ZNF385B: variants seen among roughly 807,000 people sequenced by gnomAD.
ZNF385B encodes the protein zinc finger protein 385B.
ZNF385B carries 23 observed loss-of-function variants against 39.2 expected under a neutral mutation model. The ratio of observed to expected loss-of-function variants is 0.59; its 90% confidence interval spans 0.42 to 0.83. The LOEUF (loss-of-function observed/expected upper bound fraction) is 0.83. ZNF385B is among the 40% of genes least tolerant of loss of function. ZNF385B has a pLI of 0.00. For missense variants in ZNF385B, 552 were observed against 598.9 expected (o/e 0.92, Z 0.82); for synonymous variants, 205 against 222.6 (o/e 0.92, Z 0.70).
chr2:179,678,331 G>A (rs1170698967), intron 3 of ZNF385B, among the ~76,000 whole-genome samples: 3 of 152,178 alleles, frequency 2.0e-5, no homozygotes, highest in African/African-American at 7.2e-5. Context: ...TTAGTTAGGT[G>A]CATGGCTACC....
At chr2:179,445,099 T>A in intron 8 of ZNF385B, 122 bp from the exon 9 acceptor site, 1 of 796,890 alleles carries the variant, frequency 1.3e-6, no homozygotes, top group Non-Finnish European at 2.1e-6. Flanking sequence ...ATGGTGTGGG[T>A]AAAATCATTA....
intron 3 of ZNF385B, among the ~76,000 whole-genome samples, chr2:179,751,849 T>C (rs1167697322): frequency 6.6e-6 from 1 of 152,006 alleles, no homozygotes; most frequent in Non-Finnish European, 1.5e-5. Context: ...CCTTATCTTC[T>C]CCCCCATCCA....
chr2:179,847,799 G>C (rs541623634), intron 1 of ZNF385B, among the ~76,000 whole-genome samples: 170 of 152,286 alleles, frequency 1.1e-3, no homozygotes, highest in Non-Finnish European at 2.1e-3. Flanking sequence ...CCCCTCAGAG[G>C]AGACTCAGAA....
In ZNF385B at chr2:179,469,530, A is replaced by G. The variant is rs145904653; in HGVS notation, c.715+13742T>C. On this transcript the variant is annotated intron_variant, in intron 6 of 9. Coordinates refer to ENST00000410066, the MANE Select transcript of ZNF385B (RefSeq NM_152520.6). ...TGGCAAACCACGAAGGGACTACACTATTAAGAGATCCCTGACCCAAAGGAA... is the reference window on the plus strand; with the variant it reads ...TGGCAAACCACGAAGGGACTACACTGTTAAGAGATCCCTGACCCAAAGGAA... 2.5e-3 allele frequency among the ~76,000 whole-genome samples: 375 copies of G among 152,266 alleles called. 1 individual carries two copies. The highest frequency in any genetic ancestry group is 3.9e-3 in the Non-Finnish European group (264 of 68,016).
chr2:179,567,925 C>T lies in ZNF385B; in HGVS notation c.299-22956G>A, dbSNP rs149407650. Among the ~76,000 whole-genome samples, 29 of 152,286 alleles carry T rather than the reference C, an allele frequency of 1.9e-4. No individual in the cohort carries two copies. In the East Asian group the frequency reaches 2.7e-3, roughly 14 times the overall value. On this transcript the variant is annotated intron_variant, in intron 3 of 9. Coordinates refer to ENST00000410066, the MANE Select transcript of ZNF385B (RefSeq NM_152520.6). ...TAAGGGATCTTTCCGGGACCACTTACGGTCTCCGACATTTGGTTCTCACAC... is the reference window on the plus strand; with the variant it reads ...TAAGGGATCTTTCCGGGACCACTTATGGTCTCCGACATTTGGTTCTCACAC...
chr2:179,474,381 A>G (rs1297965901), intron 6 of ZNF385B, among the ~76,000 whole-genome samples: 1 of 152,152 alleles, frequency 6.6e-6, no homozygotes, highest in East Asian at 1.9e-4. Context: ...AATGGCAAAA[A>G]TTACTATCTT....
chr2:179,489,847 A>G (rs545529421), intron 5 of ZNF385B, among the ~76,000 whole-genome samples: 31 of 152,302 alleles, frequency 2.0e-4, no homozygotes, highest in African/African-American at 7.2e-4. Flanking sequence ...ATTCTCATCT[A>G]TTGGGATTGT....
intron 3 of ZNF385B, chr2:179,660,173 G>A (rs956068004): frequency 2.0e-5 from 3 of 152,386 alleles, no homozygotes; most frequent in Admixed American, 2.0e-4. Flanking sequence ...ACCTGCCACC[G>A]GTTTTATTGC....
intron 1 of ZNF385B, among the ~76,000 whole-genome samples, chr2:179,788,562 G>A (rs754262849): frequency 2.6e-5 from 4 of 152,086 alleles, no homozygotes; most frequent in Non-Finnish European, 5.9e-5. Flanking sequence ...TGCAAACTTT[G>A]CTGAAGAAAT....
chr2:179,487,011 T>C (rs2054645945), intron 5 of ZNF385B, among the ~76,000 whole-genome samples: 1 of 152,264 alleles, frequency 6.6e-6, no homozygotes, highest in African/African-American at 2.4e-5. Flanking sequence ...AAACTCATCT[T>C]TCACAGTACA....
chr2:179,628,034 G>GT (rs1690833574), intron 3 of ZNF385B, among the ~76,000 whole-genome samples: 2 of 151,786 alleles, frequency 1.3e-5, no homozygotes, highest in South Asian at 4.1e-4. Context: ...TTTCAAACAT[G>GT]TTTTTTTCCT....
intron 5 of ZNF385B, among the ~76,000 whole-genome samples, chr2:179,514,787 T>A (rs1472886303): frequency 6.6e-6 from 1 of 151,680 alleles, no homozygotes; most frequent in Admixed American, 6.6e-5. Flanking sequence ...GGTTTTTTTT[T>A]TTTTTTTTTA....
Position 179,442,145 on chromosome 2 carries a change from A to G in ZNF385B, c.*1105T>C, listed in dbSNP as rs1392066960. The G allele has an allele frequency of 1.3e-5, 2 of 152,652 alleles. No homozygotes were observed. The highest frequency in any genetic ancestry group is 3.8e-4 in the East Asian group (2 of 5,202). 9.5% of individuals were successfully genotyped at this position (152,652 alleles called of 1,614,324 possible). On this transcript the variant is annotated 3_prime_UTR_variant, in exon 10 of 10. Coordinates refer to ENST00000410066, the MANE Select transcript of ZNF385B (RefSeq NM_152520.6). ...TCACAAACATTCCAGTCTTGTTGATATCGGCTTAGAAAGGGGGGCATGGGA... is the reference window on the plus strand; with the variant it reads ...TCACAAACATTCCAGTCTTGTTGATGTCGGCTTAGAAAGGGGGGCATGGGA...
intron 3 of ZNF385B, among the ~76,000 whole-genome samples, chr2:179,663,137 A>C (rs1377986070): frequency 6.6e-6 from 1 of 152,224 alleles, no homozygotes; most frequent in East Asian, 1.9e-4. Flanking sequence ...CAAACCAACT[A>C]AATATGATGG....
rs1273955032 is a variant in ZNF385B, at chr2:179,861,274, G to C, written c.-328C>G. ...GGCGGTGGCGGTAGCAGCGGCGGCG[G>C]TGGAGGTGGCGCGGGCGACAGCTCG... On this transcript the variant is annotated 5_prime_UTR_variant, in exon 1 of 10. Coordinates refer to ENST00000410066, the MANE Select transcript of ZNF385B (RefSeq NM_152520.6). 1.1e-4 allele frequency: 18 copies of C among 159,718 alleles called. No individual in the cohort carries two copies. Among genetic ancestry groups the C allele is most frequent in the Non-Finnish European group, 1.9e-4 (14 of 74,008 alleles). 9.9% of individuals were successfully genotyped at this position (159,718 alleles called of 1,614,324 possible).
intron 6 of ZNF385B, among the ~76,000 whole-genome samples, chr2:179,459,065 T>C (rs2105460443): frequency 6.6e-6 from 1 of 152,326 alleles, no homozygotes; most frequent in South Asian, 2.1e-4. Flanking sequence ...TAAATGACAA[T>C]AGTCTTCAAA....
chr2:179,808,546 T>G (rs1181166791), intron 1 of ZNF385B, among the ~76,000 whole-genome samples: 1 of 152,216 alleles, frequency 6.6e-6, no homozygotes, highest in Non-Finnish European at 1.5e-5. Context: ...GGCAGGTGCA[T>G]GGTGGTAAGC....
At chr2:179,849,273 A>G (rs1251228063) in intron 1 of ZNF385B, among the ~76,000 whole-genome samples, 1 of 152,212 alleles carries the variant, frequency 6.6e-6, no homozygotes, top group African/African-American at 2.4e-5. Flanking sequence ...TTTGAAGGGA[A>G]ACGAGGTTAT....
chr2:179,460,974 A>G (rs971797632), intron 6 of ZNF385B, among the ~76,000 whole-genome samples: 1 of 152,338 alleles, frequency 6.6e-6, no homozygotes, highest in Middle Eastern at 3.4e-3. Flanking sequence ...CTGTGCAGCA[A>G]GCAAGATGAA....
Sources: gnomAD v4.1 joint callset for allele counts (sites outside exome capture counted in the v4.1 genomes callset) on GRCh38, gnomAD v4.1.1 for gene constraint, MANE v1.5 for transcripts, NCBI Gene and HGNC (gene_info 2026-07-23, HGNC 2026-07-21) for gene names.